The following ATP10B variants were observed in gnomAD, a reference collection of about 807,000 sequenced individuals.
ATP10B encodes phospholipid-transporting ATPase VB.
A neutral mutation model predicts 141.2 loss-of-function variants in ATP10B; 122 were observed. The observed-to-expected ratio is 0.86, with a 90% confidence interval of 0.75 to 1.00. The LOEUF (loss-of-function observed/expected upper bound fraction) is 1.00. Among genes scored for constraint, ATP10B ranks in the 50% least tolerant of loss-of-function variants. The pLI is 0.00. For missense variants in ATP10B, 1,876 were observed against 1,825.3 expected, an observed-to-expected ratio of 1.03 and a Z score of -0.51; for synonymous variants, 685 against 692.0, an observed-to-expected ratio of 0.99 and a Z score of 0.16.
At chr5:160,801,031 A>C (rs949176124) in intron 1 of ATP10B, among the ~76,000 whole-genome samples, 1 of 152,020 alleles carries the variant, frequency 6.6e-6, no homozygotes, top group Non-Finnish European at 1.5e-5. Flanking sequence ...AATCTCCTAG[A>C]GTTATTTTCA....
At chr5:160,708,650 T>C (rs1356769007) in intron 3 of ATP10B, among the ~76,000 whole-genome samples, 2 of 152,172 alleles carry the variant, frequency 1.3e-5, no homozygotes, top group African/African-American at 4.8e-5. Context: ...GTAGAAGGCA[T>C]GTACAGGTTT....
chr5:160,577,799 GA>G (rs1172899080), intron 24 of ATP10B, among the ~76,000 whole-genome samples: 4 of 151,542 alleles, frequency 2.6e-5, no homozygotes, highest in African/African-American at 9.7e-5. Context: ...TAAACTTTAT[GA>G]TTTTTTTTTT....
intron 1 of ATP10B, among the ~76,000 whole-genome samples, chr5:160,814,227 A>T (rs1240978840): frequency 6.6e-6 from 1 of 151,990 alleles, no homozygotes; most frequent in African/African-American, 2.4e-5. Context: ...AGAAGTTAAA[A>T]ACCTTCAAAA....
intron 2 of ATP10B, among the ~76,000 whole-genome samples, chr5:160,736,861 C>T (rs760838359): frequency 6.6e-6 from 1 of 152,200 alleles, no homozygotes; most frequent in African/African-American, 2.4e-5. Flanking sequence ...CGATCCTGCT[C>T]ACATTATTCT....
intron 3 of ATP10B, among the ~76,000 whole-genome samples, chr5:160,709,205 A>G (rs1459587863): frequency 2.6e-5 from 4 of 152,226 alleles, no homozygotes; most frequent in Non-Finnish European, 4.4e-5. Context: ...GTCTTGAGGT[A>G]GGGAGGAAAC....
the ATP10B span, among the ~76,000 whole-genome samples, chr5:160,858,088 T>A: frequency 6.6e-6 from 1 of 151,938 alleles, no homozygotes; most frequent in Admixed American, 6.6e-5. Context: ...TGGGGTATTG[T>A]GGAATTGTCC....
At position 160,644,249 on chromosome 5, in the gene ATP10B, G is replaced by A; in HGVS notation, c.762-5C>T. ...CTGGTCTGGTCAGGATGCTCCCTGG[G>A]GATGATGAATAAAAGACAGGGGGTG... is the stretch of plus-strand genomic sequence containing the variant. On this transcript the variant is annotated splice_polypyrimidine_tract_variant and splice_region_variant and intron_variant, in intron 8 of 25. Transcript: ENST00000327245. The A allele has an allele frequency of 2.5e-6, 4 of 1,610,808 alleles. No individual in the cohort carries two copies. The highest frequency in any genetic ancestry group is 1.7e-5 in the Admixed American group (1 of 59,988).
At chr5:160,878,371 C>T in the ATP10B span, among the ~76,000 whole-genome samples, 41 of 151,712 alleles carry the variant, frequency 2.7e-4, no homozygotes, top group African/African-American at 8.7e-4. Flanking sequence ...ACACCTTATA[C>T]AAAAATCAAT....
intron 16 of ATP10B, among the ~76,000 whole-genome samples, chr5:160,617,531 C>T (rs1404836153): frequency 6.6e-6 from 1 of 152,048 alleles, no homozygotes; most frequent in African/African-American, 2.4e-5. Context: ...TATAAAAGGT[C>T]CCCAAATTTA....
At chr5:160,864,012 G>A in the ATP10B span, among the ~76,000 whole-genome samples, 52 of 151,942 alleles carry the variant, frequency 3.4e-4, no homozygotes, top group Middle Eastern at 3.4e-3. Context: ...ATTATATCAG[G>A]CATTCAAAGA....
intron 18 of ATP10B, chr5:160,611,669 A>C (rs1757726608): frequency 6.6e-6 from 1 of 152,236 alleles, no homozygotes. Context: ...ATGGAATAAA[A>C]ATGAAATATA....
At chr5:160,744,840 T>G (rs1325012655) in intron 2 of ATP10B, among the ~76,000 whole-genome samples, 2 of 152,192 alleles carry the variant, frequency 1.3e-5, no homozygotes, top group Non-Finnish European at 2.9e-5. Flanking sequence ...GACTACAAAT[T>G]ACAGGCTGTG....
chr5:160,652,901 T>TAATATATTG (rs1275222120), intron 7 of ATP10B, among the ~76,000 whole-genome samples: 1 of 70,270 alleles, frequency 1.4e-5, no homozygotes, highest in African/African-American at 6.1e-5. Context: ...ATATAATATA[T>TAATATATTG]TATATATACA....
intron 24 of ATP10B, among the ~76,000 whole-genome samples, chr5:160,573,930 C>T (rs1186341149): frequency 6.6e-6 from 1 of 152,164 alleles, no homozygotes; most frequent in Non-Finnish European, 1.5e-5. Flanking sequence ...CATTCCTGTA[C>T]ATGTCTCCAC....
At chr5:160,611,205 G>C (rs1445544032) in intron 18 of ATP10B, among the ~76,000 whole-genome samples, 1 of 152,158 alleles carries the variant, frequency 6.6e-6, no homozygotes, top group African/African-American at 2.4e-5. Context: ...ATTCGTCATT[G>C]ACTGAATTAA....
chr5:160,706,266 G>T (rs142196594), intron 3 of ATP10B, among the ~76,000 whole-genome samples: 64 of 152,280 alleles, frequency 4.2e-4, no homozygotes, highest in African/African-American at 1.4e-3. Context: ...AAATCATGGT[G>T]GTGTTCTTGC....
At chr5:160,658,129 A>T (rs990369838) in intron 7 of ATP10B, among the ~76,000 whole-genome samples, 3 of 152,222 alleles carry the variant, frequency 2.0e-5, no homozygotes, top group Admixed American at 6.5e-5. Context: ...ACAATGTGTC[A>T]CCTCTGCTGA....
chr5:160,589,514 TGAAACAA>T, intron 24 of ATP10B, 71 bp downstream of exon 24: 1 of 1,130,704 alleles, frequency 8.8e-7, no homozygotes, highest in Middle Eastern at 2.8e-4. Flanking sequence ...TAACACAGAA[TGAAACAA>T]TTCAGAAATT....
chr5:160,800,422 G>A (rs760587763), intron 1 of ATP10B, among the ~76,000 whole-genome samples: 29 of 152,192 alleles, frequency 1.9e-4, no homozygotes, highest in Non-Finnish European at 5.9e-5. Flanking sequence ...TTTACTAAGT[G>A]CAAAGAGTTT....
Sources: allele counts gnomAD v4.1 joint callset (sites outside exome capture counted in the v4.1 genomes callset), GRCh38; gene constraint gnomAD v4.1.1; transcripts MANE v1.5; gene names NCBI Gene and HGNC (gene_info 2026-07-23, HGNC 2026-07-21).